PRKG1: variants seen among roughly 807,000 people sequenced by gnomAD.
PRKG1 encodes cGMP-dependent protein kinase 1.
PRKG1 carries 35 observed loss-of-function variants against 88.1 expected under a neutral mutation model. The observed-to-expected ratio is 0.40, with a 90% CI of 0.30 to 0.53. The LOEUF (loss-of-function observed/expected upper bound fraction) is 0.53, where lower values mean the gene tolerates loss of function less well. PRKG1 is among the 20% of genes least tolerant of loss of function. The probability of loss-of-function intolerance (pLI) is 0.59; values close to 1 mark genes in which losing one functional copy is unlikely to be tolerated. For missense variants in PRKG1, 540 were observed against 839.8 expected (o/e 0.64, Z 4.41); for synonymous variants, 303 against 292.5 (o/e 1.04, Z -0.37).
chr10:52,293,925 CT>C lies in PRKG1; in HGVS notation c.*27del. On this transcript the variant is annotated 3_prime_UTR_variant, in exon 18 of 18. Transcript: ENST00000373980. ...ATGTATTTCTCTTACCTGCTTCTGCCTTGCTGAAGACAGCTTTTTCTGAGAC... is the reference window on the plus strand; with the variant it reads ...ATGTATTTCTCTTACCTGCTTCTGCCTGCTGAAGACAGCTTTTTCTGAGAC... The C allele has an allele frequency of 6.4e-7, 1 of 1,572,418 alleles. No individual in the cohort carries two copies. Among genetic ancestry groups the C allele is most frequent in the Non-Finnish European group, 8.7e-7 (1 of 1,144,736 alleles).
rs1842817052 is a variant in PRKG1 at position 51,937,275 on chromosome 10, G to A, written c.762+29705G>A. 2.0e-5 allele frequency among the ~76,000 whole-genome samples: 3 copies of A among 151,948 alleles called. No homozygotes were observed. In the South Asian group the frequency reaches 6.2e-4, roughly 31 times the overall value. On this transcript the variant is annotated intron_variant, in intron 5 of 17. Coordinates refer to ENST00000373980, the MANE Select transcript of PRKG1 (RefSeq NM_006258.4). ...TGATTTTATTGTGGCCATATTCTAT[G>A]CCGCTATGAGCTCTTAGGAGGAAAG...
intron 5 of PRKG1, among the ~76,000 whole-genome samples, chr10:51,930,506 T>C (rs1842670964): frequency 6.9e-6 from 1 of 144,580 alleles, no homozygotes; most frequent in Non-Finnish European, 1.5e-5. Flanking sequence ...TTTTTTTTTT[T>C]TTTTTTTTTT....
At chr10:51,413,343 T>C (rs938115539) in intron 2 of PRKG1, among the ~76,000 whole-genome samples, 1 of 134,902 alleles carries the variant, frequency 7.4e-6, no homozygotes, top group Admixed American at 7.9e-5. Context: ...TTAAAAAAAA[T>C]GTTTTTTTTT....
At chr10:51,755,244 C>T (rs925985107) in intron 3 of PRKG1, among the ~76,000 whole-genome samples, 6 of 152,224 alleles carry the variant, frequency 3.9e-5, no homozygotes, top group African/African-American at 7.2e-5. Context: ...AGAAGGTGTC[C>T]CTATCTGACA....
intron 2 of PRKG1, among the ~76,000 whole-genome samples, chr10:51,330,407 T>A (rs1018645866): frequency 6.6e-6 from 1 of 152,162 alleles, no homozygotes; most frequent in Non-Finnish European, 1.5e-5. Context: ...TGCCTTGACC[T>A]CCCAAAGTGC....
chr10:51,613,661 T>C (rs10762246), intron 3 of PRKG1, among the ~76,000 whole-genome samples: 110,469 of 151,646 alleles, frequency 0.73, 43,629 homozygotes, highest in East Asian at 0.88. Flanking sequence ...GGTTTTGCTG[T>C]GTCTCACAAG....
intron 2 of PRKG1, among the ~76,000 whole-genome samples, chr10:51,178,384 A>G (rs1351089791): frequency 6.6e-6 from 1 of 152,164 alleles, no homozygotes; most frequent in Admixed American, 6.5e-5. Flanking sequence ...CACACCTCCA[A>G]TCCTAGCACT....
intron 1 of PRKG1, among the ~76,000 whole-genome samples, chr10:51,055,346 C>A (rs1401981541): frequency 6.6e-6 from 1 of 152,002 alleles, no homozygotes; most frequent in Non-Finnish European, 1.5e-5. Context: ...AACAAAAATT[C>A]CTGTCCCCTC....
At chr10:51,346,858 G>A (rs147433305) in intron 2 of PRKG1, among the ~76,000 whole-genome samples, 194 of 152,118 alleles carry the variant, frequency 1.3e-3, no homozygotes, top group African/African-American at 4.4e-3. Flanking sequence ...TTTATTTGTG[G>A]GGCTCTCTTA....
intron 9 of PRKG1, among the ~76,000 whole-genome samples, chr10:52,200,975 T>G (rs535899229): frequency 6.6e-6 from 1 of 152,334 alleles, no homozygotes; most frequent in East Asian, 1.9e-4. Context: ...ATGTATAGTT[T>G]GCAAATATTT....
chr10:51,016,207 C>G (rs1245718951), intron 1 of PRKG1, among the ~76,000 whole-genome samples: 2 of 151,964 alleles, frequency 1.3e-5, no homozygotes, highest in African/African-American at 4.8e-5. Flanking sequence ...GATAATTGAC[C>G]CTGGGTCCCT....
At chr10:51,861,458 AT>A (rs1303086647) in intron 4 of PRKG1, among the ~76,000 whole-genome samples, 1 of 152,034 alleles carries the variant, frequency 6.6e-6, no homozygotes, top group South Asian at 2.1e-4. Context: ...TAGAACTATT[AT>A]TTTTTTCATC....
intron 9 of PRKG1, among the ~76,000 whole-genome samples, chr10:52,220,483 G>A (rs1337852091): frequency 6.6e-6 from 1 of 151,850 alleles, no homozygotes; most frequent in Non-Finnish European, 1.5e-5. Context: ...TTGTGTCATG[G>A]GGGTATGTCG....
chr10:52,128,701 C>T (rs1194874657), intron 7 of PRKG1, among the ~76,000 whole-genome samples: 2 of 152,198 alleles, frequency 1.3e-5, no homozygotes, highest in Non-Finnish European at 2.9e-5. Context: ...ACTAATTAAT[C>T]AGCAGCAATT....
intron 3 of PRKG1, among the ~76,000 whole-genome samples, chr10:51,690,732 C>A (rs904032951): frequency 2.6e-5 from 4 of 151,792 alleles, no homozygotes; most frequent in Admixed American, 1.3e-4. Flanking sequence ...TCGAGGCCAT[C>A]CTGGCCAATA....
chr10:51,613,091 T>C (rs887600206), intron 3 of PRKG1, among the ~76,000 whole-genome samples: 2 of 151,648 alleles, frequency 1.3e-5, no homozygotes, highest in African/African-American at 2.4e-5. Flanking sequence ...TTAAGGAGGA[T>C]TGATATTAGT....
intron 5 of PRKG1, among the ~76,000 whole-genome samples, chr10:51,980,214 T>G (rs997425624): frequency 6.6e-6 from 1 of 152,192 alleles, no homozygotes; most frequent in Non-Finnish European, 1.5e-5. Flanking sequence ...ACTTCTTGAT[T>G]TCTACCTTAA....
intron 5 of PRKG1, among the ~76,000 whole-genome samples, chr10:52,043,481 G>A (rs1253496588): frequency 6.6e-6 from 1 of 152,040 alleles, no homozygotes. Context: ...CATACTGCAT[G>A]ATCTCACTTA....
At chr10:51,158,770 G>T (rs1490102024) in intron 2 of PRKG1, among the ~76,000 whole-genome samples, 1 of 151,860 alleles carries the variant, frequency 6.6e-6, no homozygotes, top group Non-Finnish European at 1.5e-5. Flanking sequence ...TTTTCTATCT[G>T]CAATCAATAG....
Sources: allele counts gnomAD v4.1 joint callset (sites outside exome capture counted in the v4.1 genomes callset), GRCh38; gene constraint gnomAD v4.1.1; transcripts MANE v1.5; gene names NCBI Gene and HGNC (gene_info 2026-07-23, HGNC 2026-07-21).